Variants in SDK2 observed in about 807,000 individuals in gnomAD.
The protein encoded by SDK2 is protein sidekick-2.
In SDK2, 105 loss-of-function variants were observed where a neutral mutation model predicts 253.9. The ratio of observed to expected loss-of-function variants is 0.41; its 90% CI spans 0.35 to 0.49. SDK2 has a LOEUF of 0.49. Ranked by LOEUF, SDK2 falls within the 20% of genes least tolerant of loss-of-function variation. The pLI is 0.06. For missense variants in SDK2, 2,608 were observed against 3,003.0 expected (o/e 0.87, Z 3.07); for synonymous variants, 1,249 against 1,234.9 (o/e 1.01, Z -0.24).
intron 1 of SDK2, among the ~76,000 whole-genome samples, chr17:73,513,973 G>C (rs1026388335): frequency 2.6e-5 from 4 of 152,160 alleles, no homozygotes. Context: ...GGGAGGTCTG[G>C]GTGCCCGGGG....
intron 44 of SDK2, among the ~76,000 whole-genome samples, chr17:73,339,222 TGTTTTTGTTTTTG>T (rs1403473201): frequency 4.3e-5 from 5 of 117,492 alleles, no homozygotes; most frequent in African/African-American, 1.1e-4. Context: ...AGTTTTTTTT[TGTTTTTGTTTTTG>T]TTTTTTTTTT....
chr17:73,558,463 G>A (rs1408042129), intron 1 of SDK2, among the ~76,000 whole-genome samples: 1 of 150,194 alleles, frequency 6.7e-6, no homozygotes, highest in East Asian at 1.9e-4. Flanking sequence ...GAGGAAGAAA[G>A]GAAGGAAGGG....
intron 1 of SDK2, among the ~76,000 whole-genome samples, chr17:73,590,698 C>T (rs1028366477): frequency 5.3e-5 from 8 of 152,142 alleles, no homozygotes; most frequent in African/African-American, 1.9e-4. Context: ...TGGGCCCATC[C>T]AGAACATGGG....
At chr17:73,505,544 C>T (rs1387380772) in intron 2 of SDK2, among the ~76,000 whole-genome samples, 5 of 151,852 alleles carry the variant, frequency 3.3e-5, no homozygotes, top group South Asian at 4.2e-4. Context: ...ACCTCATCAT[C>T]GTCAATAGCT....
At chr17:73,617,366 C>G (rs2046074674) in intron 1 of SDK2, among the ~76,000 whole-genome samples, 1 of 151,816 alleles carries the variant, frequency 6.6e-6, no homozygotes, top group African/African-American at 2.4e-5. Flanking sequence ...TCTTAGGAGG[C>G]AAAGAGTCAA....
At chr17:73,526,387 C>T (rs897935079) in intron 1 of SDK2, among the ~76,000 whole-genome samples, 1 of 152,154 alleles carries the variant, frequency 6.6e-6, no homozygotes, top group African/African-American at 2.4e-5. Context: ...AGTCAGGTAA[C>T]TTCTTTGATC....
At position 73,631,256 on chromosome 17, in the gene SDK2, G is replaced by A. The variant is rs188195371; in HGVS notation, c.64+12769C>T. Among the ~76,000 whole-genome samples the A allele has an allele frequency of 5.8e-4, 88 of 152,282 alleles. No homozygotes were observed. The East Asian group carries it at 0.013, about 22-fold the overall frequency. ...TCCTTGGCAGCCCAGGCCCCACAAC[G>A]GTCTGCCGGCCAACCCGCTCTCTGC... On this transcript the variant is annotated intron_variant, in intron 1 of 44. Transcript: ENST00000392650.
rs776550262 is a variant in SDK2 at position 73,336,987 on chromosome 17, G to A, written c.*1600C>T. On this transcript the variant is annotated 3_prime_UTR_variant, in exon 45 of 45. Coordinates refer to ENST00000392650, the MANE Select transcript of SDK2 (RefSeq NM_001144952.2). ...TGGCATCCGTAAGTACCAAGTGGAC[G>A]GGAAGATCCTGGCCACTGGATGTGG... 2 of 152,378 alleles carry A rather than the reference G, an allele frequency of 1.3e-5. No homozygotes were observed. Among genetic ancestry groups the A allele is most frequent in the South Asian group, 2.1e-4 (1 of 4,828 alleles). The allele number at this position is 152,378 out of a possible 1,614,324, so 9.4% of individuals were successfully genotyped here.
At chr17:73,426,485 T>G (rs1195159450) in intron 12 of SDK2, among the ~76,000 whole-genome samples, 1 of 152,148 alleles carries the variant, frequency 6.6e-6, no homozygotes, top group African/African-American at 2.4e-5. Context: ...ACAGCTGTTT[T>G]GTAATTTAAC....
intron 16 of SDK2, among the ~76,000 whole-genome samples, chr17:73,416,293 T>G (rs989985273): frequency 2.7e-5 from 4 of 146,200 alleles, no homozygotes; most frequent in Non-Finnish European, 4.5e-5. Flanking sequence ...GCCTCCCAGA[T>G]TCAAGTGATT....
At chr17:73,614,174 C>T (rs1442937206) in intron 1 of SDK2, among the ~76,000 whole-genome samples, 6 of 151,476 alleles carry the variant, frequency 4.0e-5, no homozygotes, top group Non-Finnish European at 7.4e-5. Context: ...CATGCCAGGG[C>T]CCTTGCAGCC....
intron 36 of SDK2, among the ~76,000 whole-genome samples, chr17:73,377,800 T>TG (rs1393795585): frequency 6.6e-6 from 1 of 151,070 alleles, no homozygotes; most frequent in Non-Finnish European, 1.5e-5. Context: ...TTAGTAGAGA[T>TG]GGGGTTTCAC....
intron 18 of SDK2, among the ~76,000 whole-genome samples, chr17:73,412,120 ACG>A: frequency 2.4e-5 from 1 of 41,600 alleles, no homozygotes; most frequent in Non-Finnish European, 4.6e-5. Flanking sequence ...ATATATGTAT[ACG>A]TATATATGTG....
chr17:73,392,563 C>A (rs1162583260), intron 27 of SDK2, among the ~76,000 whole-genome samples: 2 of 152,168 alleles, frequency 1.3e-5, no homozygotes, highest in African/African-American at 4.8e-5. Flanking sequence ...GCCACCACGC[C>A]CAGCCTGAGA....
chr17:73,540,431 G>T (rs2145819919), intron 1 of SDK2, among the ~76,000 whole-genome samples: 1 of 152,282 alleles, frequency 6.6e-6, no homozygotes, highest in East Asian at 1.9e-4. Flanking sequence ...TAACGTCAAT[G>T]CTTCTTGCTG....
intron 40 of SDK2, 168 bp downstream of exon 40, chr17:73,357,911 A>G (rs748955167): frequency 9.6e-7 from 1 of 1,036,452 alleles, no homozygotes; most frequent in Non-Finnish European, 1.5e-6. Flanking sequence ...CAGCTCTAGG[A>G]GCCCCCCAAC....
rs1208033828 is a variant in SDK2 at position 73,639,651 on chromosome 17, C to T, written c.64+4374G>A. Among the ~76,000 whole-genome samples, 1 of 152,150 alleles carries T rather than the reference C, an allele frequency of 6.6e-6. No homozygotes were observed. The highest frequency in any genetic ancestry group is 6.5e-5 in the Admixed American group (1 of 15,286). ...AGCGGGGTAGAAACCCCGCAGGGCG[C>T]ACACTAACACCCGACATCAATTCCA... On this transcript the variant is annotated intron_variant, in intron 1 of 44. Transcript: ENST00000392650. The surrounding 1 kb of genome is among the most constrained non-coding windows in gnomAD (Gnocchi z 4.3).
At chr17:73,365,150 G>A (rs1211127486) in intron 38 of SDK2, 108 bp downstream of exon 38, 11 of 766,728 alleles carry the variant, frequency 1.4e-5, no homozygotes, top group East Asian at 3.0e-5. Flanking sequence ...AAGATGGGGA[G>A]ACTCTCACCG....
At chr17:73,537,834 A>G (rs1026512534) in intron 1 of SDK2, among the ~76,000 whole-genome samples, 1 of 152,220 alleles carries the variant, frequency 6.6e-6, no homozygotes, top group African/African-American at 2.4e-5. Flanking sequence ...AAGCAGCCTG[A>G]ACCCATTCTT....
Sources: gnomAD v4.1 joint callset for allele counts (sites outside exome capture counted in the v4.1 genomes callset) on GRCh38, gnomAD v4.1.1 for gene constraint, Gnocchi (gnomAD v3.1) non-coding constraint, MANE v1.5 for transcripts, NCBI Gene and HGNC (gene_info 2026-07-23, HGNC 2026-07-21) for gene names.